The following PTPRT variants were observed in gnomAD, a reference collection of about 807,000 sequenced individuals.
PTPRT encodes receptor-type tyrosine-protein phosphatase T.
Under a neutral mutation model 176.8 loss-of-function variants are expected in PTPRT, and 56 were observed. The observed-to-expected ratio is 0.32, with a 90% CI of 0.26 to 0.40. The LOEUF is 0.40. Among genes scored for constraint, PTPRT ranks in the 10% least tolerant of loss-of-function variants. The probability of loss-of-function intolerance (pLI) is 1.00; values close to 1 mark genes in which losing one functional copy is unlikely to be tolerated. For synonymous variants in PTPRT, 783 were observed against 739.0 expected, an observed-to-expected ratio of 1.06 and a Z score of -0.96; for missense variants, 1,540 against 1,908.2, an observed-to-expected ratio of 0.81 and a Z score of 3.60.
At chr20:42,738,657 G>T (rs1042649813) in intron 6 of PTPRT, among the ~76,000 whole-genome samples, 1 of 152,164 alleles carries the variant, frequency 6.6e-6, no homozygotes, top group African/African-American at 2.4e-5. Context: ...GTGTCTAGAA[G>T]ATTACTGGGG....
At chr20:42,183,372 C>T (rs1568650958) in intron 16 of PTPRT, among the ~76,000 whole-genome samples, 4 of 152,164 alleles carry the variant, frequency 2.6e-5, no homozygotes, top group Admixed American at 2.0e-4. Context: ...CTGCCCTTCA[C>T]CCTGTCTTTC....
chr20:42,178,190 C>G (rs955289170), intron 16 of PTPRT, among the ~76,000 whole-genome samples: 8 of 152,170 alleles, frequency 5.3e-5, no homozygotes, highest in African/African-American at 1.9e-4. Flanking sequence ...CCCACCTCGG[C>G]CTCCCAAAGT....
chr20:42,560,533 G>A (rs896062412), intron 7 of PTPRT, among the ~76,000 whole-genome samples: 1 of 152,158 alleles, frequency 6.6e-6, no homozygotes, highest in Non-Finnish European at 1.5e-5. Context: ...TCCTCTGGGG[G>A]AATATTGCCA....
intron 5 of PTPRT, among the ~76,000 whole-genome samples, chr20:42,770,871 T>C (rs1448984997): frequency 1.3e-5 from 2 of 152,218 alleles, no homozygotes; most frequent in Non-Finnish European, 2.9e-5. Context: ...TGGTCTGGGT[T>C]TCTGCATGTA....
At chr20:43,047,394 A>G (rs982422187) in intron 1 of PTPRT, among the ~76,000 whole-genome samples, 1 of 152,300 alleles carries the variant, frequency 6.6e-6, no homozygotes, top group East Asian at 1.9e-4. Context: ...TCCTGACTTC[A>G]GCTATTAGCT....
chr20:42,641,681 T>A (rs1230369996), intron 7 of PTPRT, among the ~76,000 whole-genome samples: 1 of 152,124 alleles, frequency 6.6e-6, no homozygotes, highest in Non-Finnish European at 1.5e-5. Flanking sequence ...ATGGCTTGGA[T>A]GAGCCATTTA....
At chr20:42,882,104 G>A (rs907947456) in intron 2 of PTPRT, among the ~76,000 whole-genome samples, 3 of 152,110 alleles carry the variant, frequency 2.0e-5, no homozygotes, top group African/African-American at 4.8e-5. Flanking sequence ...AAAAAGCTGT[G>A]GAACATCTGA....
chr20:42,212,687 T>A (rs559021979), intron 15 of PTPRT, among the ~76,000 whole-genome samples: 1 of 152,272 alleles, frequency 6.6e-6, no homozygotes, highest in African/African-American at 2.4e-5. Flanking sequence ...CCCGTCAGAC[T>A]GTTGGGAGGA....
intron 7 of PTPRT, among the ~76,000 whole-genome samples, chr20:42,636,956 T>C (rs186406427): frequency 1.2e-3 from 185 of 152,086 alleles, no homozygotes; most frequent in African/African-American, 4.3e-3. Context: ...ATATATATGA[T>C]GAAATATAGC....
At chr20:42,337,761 C>CT (rs1403755790) in intron 11 of PTPRT, among the ~76,000 whole-genome samples, 1 of 152,202 alleles carries the variant, frequency 6.6e-6, no homozygotes, top group Admixed American at 6.5e-5. Context: ...TGGGACCAAA[C>CT]TTTGAGAATT....
At chr20:42,333,385 G>A (rs1385449671) in intron 11 of PTPRT, among the ~76,000 whole-genome samples, 2 of 151,918 alleles carry the variant, frequency 1.3e-5, no homozygotes, top group African/African-American at 4.8e-5. Context: ...AGGCTGGAAT[G>A]CAGTGGTGTG....
intron 2 of PTPRT, among the ~76,000 whole-genome samples, chr20:42,827,547 C>T (rs1367155071): frequency 1.3e-5 from 2 of 152,174 alleles, no homozygotes; most frequent in Admixed American, 6.5e-5. Flanking sequence ...TGGGATACAG[C>T]TAAGGCAGTG....
chr20:42,437,249 A>G (rs1048873335), intron 9 of PTPRT, among the ~76,000 whole-genome samples: 2 of 152,212 alleles, frequency 1.3e-5, no homozygotes, highest in East Asian at 1.9e-4. Context: ...TGAAACTAGG[A>G]GTGAGATTAA....
intron 6 of PTPRT, among the ~76,000 whole-genome samples, chr20:42,707,300 G>A (rs2076074850): frequency 6.6e-6 from 1 of 152,122 alleles, no homozygotes; most frequent in South Asian, 2.1e-4. Context: ...TTTTCATCCT[G>A]TTATACGGGC....
intron 7 of PTPRT, among the ~76,000 whole-genome samples, chr20:42,491,611 A>C (rs981929699): frequency 6.6e-6 from 1 of 152,162 alleles, no homozygotes; most frequent in African/African-American, 2.4e-5. Context: ...CCATGTAAGG[A>C]CACAGCGTTT....
intron 8 of PTPRT, among the ~76,000 whole-genome samples, chr20:42,471,145 T>A (rs1474205303): frequency 6.6e-6 from 1 of 152,222 alleles, no homozygotes; most frequent in Non-Finnish European, 1.5e-5. Context: ...CTAAGCTTTT[T>A]ATATCTATTT....
intron 1 of PTPRT, among the ~76,000 whole-genome samples, chr20:42,951,633 C>T (rs1224313624): frequency 2.6e-5 from 4 of 152,116 alleles, no homozygotes; most frequent in African/African-American, 9.7e-5. Flanking sequence ...AGATTAAAGG[C>T]AATAAGAGTG....
rs374520755 is a variant in PTPRT, at chr20:42,519,107, T to C, written c.1154-46545A>G. ...ACCAGAAGGCTCCCTCATGCTGCCC[T>C]TCATAGCCACATTCACTTCTTTTTG... On this transcript the variant is annotated intron_variant, in intron 7 of 30. Coordinates refer to ENST00000373187, the MANE Select transcript of PTPRT (RefSeq NM_007050.6). 1.1e-4 allele frequency among the ~76,000 whole-genome samples: 17 copies of C among 152,288 alleles called. No homozygotes were observed. The East Asian group carries it at 2.5e-3, about 22-fold the overall frequency.
chr20:42,546,267 A>T (rs572822758), intron 7 of PTPRT, among the ~76,000 whole-genome samples: 2 of 152,292 alleles, frequency 1.3e-5, no homozygotes, highest in South Asian at 2.1e-4. Flanking sequence ...TACACAAAAA[A>T]GGGGGGAAAT....
Sources: gnomAD v4.1 joint callset for allele counts (sites outside exome capture counted in the v4.1 genomes callset) on GRCh38, gnomAD v4.1.1 for gene constraint, MANE v1.5 for transcripts, NCBI Gene and HGNC (gene_info 2026-07-23, HGNC 2026-07-21) for gene names.